Variants in BAZ1A observed in about 807,000 individuals in gnomAD.
BAZ1A encodes bromodomain adjacent to zinc finger domain protein 1A.
In BAZ1A, 50 loss-of-function variants were observed where a neutral mutation model predicts 185.2. The ratio of observed to expected loss-of-function variants is 0.27; its 90% CI spans 0.22 to 0.34. The LOEUF (loss-of-function observed/expected upper bound fraction) is 0.34. Ranked by LOEUF, BAZ1A falls within the 10% of genes least tolerant of loss-of-function variation. The probability of loss-of-function intolerance (pLI) is 1.00; values close to 1 mark genes in which losing one functional copy is unlikely to be tolerated. For missense variants in BAZ1A, 1,356 were observed against 1,839.9 expected, an observed-to-expected ratio of 0.74 and a Z score of 4.81; for synonymous variants, 571 against 615.6, an observed-to-expected ratio of 0.93 and a Z score of 1.07.
chr14:34,799,956 A>G (rs1395105876), intron 9 of BAZ1A, among the ~76,000 whole-genome samples: 2 of 152,174 alleles, frequency 1.3e-5, no homozygotes, highest in African/African-American at 2.4e-5. Context: ...AGGTTTACAT[A>G]TAAACTTTTA....
At chr14:34,794,637 G>C in intron 11 of BAZ1A, 112 bp downstream of exon 11, 1 of 1,089,390 alleles carries the variant, frequency 9.2e-7, no homozygotes, top group Non-Finnish European at 1.3e-6. Context: ...AGCCAGACCA[G>C]AGAGATCCCA....
chr14:34,848,285 CCTAAA>C (rs2042545475), intron 3 of BAZ1A, among the ~76,000 whole-genome samples: 4 of 152,124 alleles, frequency 2.6e-5, no homozygotes, highest in African/African-American at 9.7e-5. Flanking sequence ...CCACTTGATG[CCTAAA>C]TTGATATCAG....
intron 3 of BAZ1A, among the ~76,000 whole-genome samples, chr14:34,845,783 C>T (rs1451213668): frequency 2.5e-4 from 38 of 151,158 alleles, no homozygotes; most frequent in Admixed American, 2.5e-3. Context: ...ATCACTTGAA[C>T]CCAGGAGACG....
intron 6 of BAZ1A, among the ~76,000 whole-genome samples, chr14:34,806,583 A>T (rs1881866893): frequency 6.6e-6 from 1 of 152,108 alleles, no homozygotes; most frequent in Non-Finnish European, 1.5e-5. Flanking sequence ...ATAAAAGTTG[A>T]ATATTTTGCA....
chr14:34,874,689 C>G lies in BAZ1A; in HGVS notation c.-58-27G>C, dbSNP rs2043013874. 1 of 1,225,962 alleles carries G rather than the reference C, an allele frequency of 8.2e-7. No individual in the cohort carries two copies. The highest frequency in any genetic ancestry group is 2.6e-5 in the East Asian group (1 of 38,012). 75.9% of individuals were successfully genotyped at this position (1,225,962 alleles called of 1,614,324 possible). ...TATCAAAATTGGAGGGAAAGGAAAG[C>G]CGGTAAGGTGGGGAGCCCTCGGCGG... On this transcript the variant is annotated intron_variant, in intron 1 of 26. Coordinates refer to ENST00000360310, the MANE Select transcript of BAZ1A (RefSeq NM_013448.3). This position sits in a 1 kb window ranked among gnomAD's most constrained non-coding sequence, Gnocchi z 4.7.
intron 3 of BAZ1A, among the ~76,000 whole-genome samples, chr14:34,846,378 C>G (rs2042512505): frequency 1.3e-5 from 2 of 152,172 alleles, no homozygotes; most frequent in African/African-American, 2.4e-5. Flanking sequence ...ACTCTCACCC[C>G]CAGCATTTAC....
Position 34,874,906 on chromosome 14 carries a change from A to G in BAZ1A, c.-59+232T>C, listed in dbSNP as rs2043019516. On this transcript the variant is annotated intron_variant, in intron 1 of 26. Coordinates refer to ENST00000360310, the MANE Select transcript of BAZ1A (RefSeq NM_013448.3). This position sits in a 1 kb window ranked among gnomAD's most constrained non-coding sequence, Gnocchi z 4.7. ...TGCCGCCGCCTCACAATGGGGCAGG[A>G]CGCCCCGCCGCGGGGGGCAGTGCGG... 5.6e-6 allele frequency: 1 copy of G among 179,726 alleles called. No homozygotes were observed. Among genetic ancestry groups the G allele is most frequent in the African/African-American group, 2.4e-5 (1 of 41,562 alleles). The allele number at this position is 179,726 out of a possible 1,614,324, so 11.1% of individuals were successfully genotyped here. A position where few individuals can be genotyped will look rare whatever the true frequency, so the allele number is the denominator to read the frequency against.
intron 4 of BAZ1A, among the ~76,000 whole-genome samples, chr14:34,821,329 T>C (rs1002870145): frequency 1.3e-5 from 2 of 152,302 alleles, no homozygotes; most frequent in African/African-American, 4.8e-5. Context: ...ACAATTTATG[T>C]GAGTGTTGTT....
intron 3 of BAZ1A, among the ~76,000 whole-genome samples, chr14:34,833,396 C>T (rs1290422738): frequency 6.6e-6 from 1 of 152,132 alleles, no homozygotes; most frequent in East Asian, 1.9e-4. Context: ...GGCGTGGTGG[C>T]GCGCGCCTAT....
intron 9 of BAZ1A, 90 bp from the exon 10 acceptor site, chr14:34,795,855 A>C (rs1468128160): frequency 1.1e-6 from 1 of 943,558 alleles, no homozygotes; most frequent in African/African-American, 1.6e-5. Context: ...AAATGCAAAT[A>C]CTTGGACCTT....
chr14:34,874,439 TGCGGGGGGA>T lies in BAZ1A; in HGVS notation c.113+44_113+52del. 6.8e-7 allele frequency: 1 copy of T among 1,471,862 alleles called. No individual in the cohort carries two copies. The highest frequency in any genetic ancestry group is 9.5e-7 in the Non-Finnish European group (1 of 1,053,846). 91.2% of individuals were successfully genotyped at this position (1,471,862 alleles called of 1,614,324 possible). ...GAAAAGGAGAGAGACAAAAGAGCGC[TGCGGGGGGA>T]GTCCCCACACCCCCCGCGGCCCCGC... On this transcript the variant is annotated intron_variant, in intron 2 of 26. Transcript: ENST00000360310. The surrounding 1 kb of genome is among the most constrained non-coding windows in gnomAD (Gnocchi z 4.7).
chr14:34,852,387 G>A (rs563550280), intron 3 of BAZ1A, among the ~76,000 whole-genome samples: 73 of 152,290 alleles, frequency 4.8e-4, no homozygotes, highest in Non-Finnish European at 8.2e-4. Context: ...GGAAGGCTAA[G>A]GCGGACAGAT....
chr14:34,873,121 C>G (rs1013025499), intron 2 of BAZ1A, among the ~76,000 whole-genome samples: 3 of 152,064 alleles, frequency 2.0e-5, no homozygotes, highest in African/African-American at 7.2e-5. Context: ...TTCTGTGGAG[C>G]TGAAGAAAAA....
At chr14:34,800,940 A>C (rs1157061960) in intron 8 of BAZ1A, among the ~76,000 whole-genome samples, 154 bp downstream of exon 8, 2 of 152,240 alleles carry the variant, frequency 1.3e-5, no homozygotes, top group Non-Finnish European at 2.9e-5. Context: ...ACAAGCAAAC[A>C]AACAAATAAA....
chr14:34,771,985 C>T (rs151052977), intron 20 of BAZ1A, among the ~76,000 whole-genome samples: 10 of 152,000 alleles, frequency 6.6e-5, no homozygotes, highest in East Asian at 5.8e-4. Flanking sequence ...GAGACAGTCT[C>T]GCACTGTTGC....
chr14:34,872,922 A>T (rs925183277), intron 2 of BAZ1A, among the ~76,000 whole-genome samples: 1 of 91,248 alleles, frequency 1.1e-5, no homozygotes, highest in Non-Finnish European at 3.0e-5. Context: ...CTAAAAAAAA[A>T]AAAAAAAAAA....
At chr14:34,763,065 CTTCTGA>C (rs1480667903) in intron 23 of BAZ1A, among the ~76,000 whole-genome samples, 4 of 152,160 alleles carry the variant, frequency 2.6e-5, no homozygotes, top group Non-Finnish European at 4.4e-5. Context: ...TCTCTGTTGT[CTTCTGA>C]TTCTGACTAT....
rs957994393 is a variant in BAZ1A at position 34,797,848 on chromosome 14, C to T, written c.1129-2083G>A. Among the ~76,000 whole-genome samples, 7 of 152,034 alleles carry T rather than the reference C, an allele frequency of 4.6e-5. No individual in the cohort carries two copies. In the South Asian group the frequency reaches 8.3e-4, roughly 18 times the overall value. ...CGAAGCAGGGCGAGCCAAAGCAGGGCGGGCCGAAGCAGGGCGGGCATCGCC... is the reference window on the plus strand; with the variant it reads ...CGAAGCAGGGCGAGCCAAAGCAGGGTGGGCCGAAGCAGGGCGGGCATCGCC... On this transcript the variant is annotated intron_variant, in intron 9 of 26. Transcript: ENST00000360310.
intron 4 of BAZ1A, among the ~76,000 whole-genome samples, chr14:34,813,448 C>T (rs1027711700): frequency 2.6e-5 from 4 of 151,410 alleles, no homozygotes; most frequent in South Asian, 4.2e-4. Context: ...TTTGGGAGGC[C>T]GAGGCAGGTG....
Sources: gnomAD v4.1 joint callset for allele counts (sites outside exome capture counted in the v4.1 genomes callset) on GRCh38, gnomAD v4.1.1 for gene constraint, Gnocchi (gnomAD v3.1) non-coding constraint, MANE v1.5 for transcripts, NCBI Gene and HGNC (gene_info 2026-07-23, HGNC 2026-07-21) for gene names.